The following BACH2 variants were observed in gnomAD, a reference collection of about 807,000 sequenced individuals.
BACH2 encodes the protein transcription regulator protein BACH2.
A neutral mutation model predicts 61.8 loss-of-function variants in BACH2; 5 were observed. The observed-to-expected ratio is 0.08, with a 90% CI of 0.04 to 0.17. The LOEUF (loss-of-function observed/expected upper bound fraction) is 0.17. Ranked by LOEUF, BACH2 falls within the 10% of genes least tolerant of loss-of-function variation. BACH2 has a pLI of 1.00. For synonymous variants in BACH2, 446 were observed against 440.1 expected, an observed-to-expected ratio of 1.01 and a Z score of -0.17; for missense variants, 824 against 1,091.1, an observed-to-expected ratio of 0.76 and a Z score of 3.45.
chr6:90,089,012 C>G lies in BACH2; in HGVS notation c.-64G>C, dbSNP rs1178558890. On this transcript the variant is annotated 5_prime_UTR_variant, in exon 5 of 9. Transcript: ENST00000257749. ...CCTTCGAGTCTTAGGATGCAGGGAA[C>G]TGGGCGAAGGGAGAGATGAGAAGGC... 6.6e-6 allele frequency: 1 copy of G among 152,276 alleles called. No homozygotes were observed. Among genetic ancestry groups the G allele is most frequent in the African/African-American group, 2.4e-5 (1 of 41,416 alleles). 9.4% of individuals were successfully genotyped at this position (152,276 alleles called of 1,614,324 possible). A position where few individuals can be genotyped will look rare whatever the true frequency, so the allele number is the denominator to read the frequency against.
At chr6:90,222,483 T>C (rs1769766464) in intron 3 of BACH2, among the ~76,000 whole-genome samples, 1 of 152,160 alleles carries the variant, frequency 6.6e-6, no homozygotes, top group Non-Finnish European at 1.5e-5. Context: ...ATGTGAGGGA[T>C]CAAGTGAAGG....
At chr6:90,051,688 CCTTT>C in intron 5 of BACH2, among the ~76,000 whole-genome samples, 1 of 152,144 alleles carries the variant, frequency 6.6e-6, no homozygotes. Context: ...ATTCATCCTT[CCTTT>C]CTCATTCGTC....
At chr6:90,273,008 G>A (rs1403060970) in intron 1 of BACH2, among the ~76,000 whole-genome samples, 1 of 152,128 alleles carries the variant, frequency 6.6e-6, no homozygotes, top group East Asian at 1.9e-4. Context: ...CTGGATCCTG[G>A]TGGCCATGCT....
intron 6 of BACH2, among the ~76,000 whole-genome samples, chr6:89,984,970 T>C (rs1776158303): frequency 6.6e-6 from 1 of 152,214 alleles, no homozygotes; most frequent in Non-Finnish European, 1.5e-5. Context: ...ATTCCTATTC[T>C]GGGAAACACT....
chr6:89,935,465 GGGGAAGA>G (rs1180401002), intron 8 of BACH2, among the ~76,000 whole-genome samples: 1 of 152,168 alleles, frequency 6.6e-6, no homozygotes, highest in Non-Finnish European at 1.5e-5. Flanking sequence ...CACTTTCTAG[GGGGAAGA>G]AAATGAGGTG....
At chr6:90,103,860 A>G (rs964209953) in intron 4 of BACH2, among the ~76,000 whole-genome samples, 3 of 152,210 alleles carry the variant, frequency 2.0e-5, no homozygotes, top group Admixed American at 6.5e-5. Context: ...CTGACTGGAT[A>G]TTTTGATTGT....
chr6:90,193,796 A>C (rs989653663), intron 4 of BACH2, among the ~76,000 whole-genome samples: 1 of 152,246 alleles, frequency 6.6e-6, no homozygotes, highest in African/African-American at 2.4e-5. Flanking sequence ...AATTAATTTA[A>C]GTGGCAAGTA....
intron 4 of BACH2, among the ~76,000 whole-genome samples, chr6:90,121,040 T>A (rs901405623): frequency 1.3e-5 from 2 of 152,200 alleles, no homozygotes; most frequent in Non-Finnish European, 2.9e-5. Context: ...AATAAAAATT[T>A]AAAATGACTT....
intron 5 of BACH2, among the ~76,000 whole-genome samples, chr6:90,052,013 G>A (rs1780069660): frequency 6.6e-6 from 1 of 152,072 alleles, no homozygotes; most frequent in Non-Finnish European, 1.5e-5. Flanking sequence ...TTATGTTTTA[G>A]TTACCGAATT....
At chr6:90,078,467 GC>G (rs1320813235) in intron 5 of BACH2, among the ~76,000 whole-genome samples, 1 of 152,064 alleles carries the variant, frequency 6.6e-6, no homozygotes. Context: ...CTAAGAAGAA[GC>G]AAACCACTCT....
chr6:90,136,840 T>G (rs1784286484), intron 4 of BACH2, among the ~76,000 whole-genome samples: 2 of 151,656 alleles, frequency 1.3e-5, no homozygotes, highest in Admixed American at 1.3e-4. Context: ...TTTCTTTTCT[T>G]TCTTTTTTTT....
chr6:90,267,553 T>C (rs1403644402), intron 2 of BACH2, among the ~76,000 whole-genome samples: 1 of 152,186 alleles, frequency 6.6e-6, no homozygotes, highest in East Asian at 1.9e-4. Flanking sequence ...CCTTCAAATA[T>C]CAAAGTAGAT....
At chr6:89,977,708 C>A (rs1266511688) in intron 6 of BACH2, among the ~76,000 whole-genome samples, 1 of 152,032 alleles carries the variant, frequency 6.6e-6, no homozygotes, top group Admixed American at 6.6e-5. Context: ...CATTATATAT[C>A]GAGATTATAT....
At chr6:90,209,783 A>G (rs980931914) in intron 3 of BACH2, among the ~76,000 whole-genome samples, 2 of 152,106 alleles carry the variant, frequency 1.3e-5, no homozygotes, top group South Asian at 2.1e-4. Flanking sequence ...CCCCGCCCCA[A>G]CTGTTCTTAT....
chr6:90,234,335 T>C (rs144234115), intron 3 of BACH2, among the ~76,000 whole-genome samples: 1 of 152,358 alleles, frequency 6.6e-6, no homozygotes, highest in Non-Finnish European at 1.5e-5. Flanking sequence ...CCAGAGAGCA[T>C]GCTCCCCAGC....
At chr6:90,184,065 C>T (rs1050463486) in intron 4 of BACH2, among the ~76,000 whole-genome samples, 3 of 152,076 alleles carry the variant, frequency 2.0e-5, no homozygotes, top group East Asian at 3.9e-4. Flanking sequence ...TCTTGTCTGT[C>T]GTTCTGAAAT....
intron 4 of BACH2, among the ~76,000 whole-genome samples, chr6:90,164,468 G>A (rs909854839): frequency 2.0e-5 from 3 of 150,802 alleles, no homozygotes; most frequent in Non-Finnish European, 3.0e-5. Flanking sequence ...ATTCACAGCT[G>A]AATTCTACCA....
At chr6:90,067,357 T>C (rs1018574601) in intron 5 of BACH2, among the ~76,000 whole-genome samples, 13 of 152,126 alleles carry the variant, frequency 8.5e-5, no homozygotes, top group African/African-American at 2.9e-4. Context: ...GCAGAGTGGC[T>C]TGAATGCCAG....
At chr6:90,028,522 G>A (rs372066318) in intron 5 of BACH2, among the ~76,000 whole-genome samples, 26 of 152,332 alleles carry the variant, frequency 1.7e-4, no homozygotes, top group African/African-American at 6.0e-4. Flanking sequence ...TCCTGCAGTG[G>A]TGACAGGTCA....
Sources: allele counts gnomAD v4.1 joint callset (sites outside exome capture counted in the v4.1 genomes callset), GRCh38; gene constraint gnomAD v4.1.1; transcripts MANE v1.5; gene names NCBI Gene and HGNC (gene_info 2026-07-23, HGNC 2026-07-21).